Variants in POLK observed in about 807,000 individuals in gnomAD.
POLK encodes the protein polymerase (DNA directed) kappa.
POLK carries 76 observed loss-of-function variants against 94.0 expected under a neutral mutation model. The ratio of observed to expected loss-of-function variants is 0.81; its 90% CI spans 0.67 to 0.98. POLK has a LOEUF of 0.98. Among genes scored for constraint, POLK ranks in the 50% least tolerant of loss-of-function variants. The pLI is 0.00. For synonymous variants in POLK, 349 were observed against 325.4 expected (o/e 1.07, Z -0.78); for missense variants, 954 against 1,010.1 (o/e 0.94, Z 0.75).
chr5:75,543,136 A>G (rs939319335), intron 1 of POLK, among the ~76,000 whole-genome samples: 11 of 151,484 alleles, frequency 7.3e-5, no homozygotes, highest in African/African-American at 2.4e-4. Context: ...TCTGCCTCCC[A>G]GGTTCAAGCG....
At chr5:75,601,385 T>C (rs1773292762), downstream of POLK, among the ~76,000 whole-genome samples, 1 of 151,500 alleles carries the variant, frequency 6.6e-6, no homozygotes, top group South Asian at 2.1e-4. Context: ...TTGCCGTTTG[T>C]GATGGTTAAT....
At chr5:75,529,073 G>A (rs1481008108) in intron 1 of POLK, among the ~76,000 whole-genome samples, 3 of 152,072 alleles carry the variant, frequency 2.0e-5, no homozygotes, top group African/African-American at 4.8e-5. Flanking sequence ...TAGTCCATTT[G>A]CATTGCTTTA....
At chr5:75,586,940 A>G (rs1478445250) in intron 9 of POLK, 86 bp from the exon 10 acceptor site, 2 of 896,316 alleles carry the variant, frequency 2.2e-6, no homozygotes, top group Non-Finnish European at 3.5e-6. Flanking sequence ...AGAGCTCTAA[A>G]AGGTAATTGA....
chr5:75,573,515 A>T (rs569781934), intron 4 of POLK, among the ~76,000 whole-genome samples: 26 of 152,228 alleles, frequency 1.7e-4, no homozygotes, highest in Admixed American at 1.4e-3. Context: ...AAGTATAATT[A>T]AAAAAATATA....
chr5:75,533,832 T>G (rs1769307063), intron 1 of POLK, among the ~76,000 whole-genome samples: 1 of 152,240 alleles, frequency 6.6e-6, no homozygotes, highest in African/African-American at 2.4e-5. Flanking sequence ...GTTAGATATT[T>G]TATTCTTTTT....
At chr5:75,603,166 A>G (rs939623600), downstream of POLK, among the ~76,000 whole-genome samples, 4 of 152,010 alleles carry the variant, frequency 2.6e-5, no homozygotes, top group East Asian at 7.7e-4. Context: ...TTTGTTTACT[A>G]CTCCTTACTT....
chr5:75,534,141 C>T (rs1025635821), intron 1 of POLK, among the ~76,000 whole-genome samples: 1 of 152,036 alleles, frequency 6.6e-6, no homozygotes, highest in Non-Finnish European at 1.5e-5. Flanking sequence ...TGGTGCATGC[C>T]TGTAGTCCCA....
At chr5:75,568,129 G>T (rs545360990) in intron 3 of POLK, among the ~76,000 whole-genome samples, 1 of 152,134 alleles carries the variant, frequency 6.6e-6, no homozygotes, top group Non-Finnish European at 1.5e-5. Context: ...GGAACTCCAC[G>T]TTCCATAGAT....
At chr5:75,555,529 T>C (rs957330795) in intron 3 of POLK, among the ~76,000 whole-genome samples, 1 of 152,064 alleles carries the variant, frequency 6.6e-6, no homozygotes, top group Non-Finnish European at 1.5e-5. Flanking sequence ...ATTATTCAAT[T>C]GTCTGGGTGT....
chr5:75,590,343 G>T lies in POLK; in HGVS notation c.1260-1G>T. 2 of 1,551,350 alleles carry T rather than the reference G, an allele frequency of 1.3e-6. No homozygotes were observed. Among genetic ancestry groups the T allele is most frequent in the Non-Finnish European group, 1.8e-6 (2 of 1,137,408 alleles). Reference sequence around the variant, plus strand: ...CGCCAAAATTATTCTTGTCTTTCTAGGACATTCAGTGAGATAAATAAAGCG... The same window carrying T: ...CGCCAAAATTATTCTTGTCTTTCTATGACATTCAGTGAGATAAATAAAGCG... On this transcript the variant is annotated splice_acceptor_variant, in intron 10 of 14. Coordinates refer to ENST00000241436, the Ensembl canonical transcript of POLK. LOFTEE classifies it high-confidence loss of function.
At chr5:75,587,192 C>CAAA (rs1561402885) in intron 10 of POLK, 134 bp downstream of exon 10, 5 of 548,524 alleles carry the variant, frequency 9.1e-6, no homozygotes, top group Non-Finnish European at 1.6e-5. Context: ...TAGTAGTTTA[C>CAAA]ACTCCCTGCA....
intron 1 of POLK, among the ~76,000 whole-genome samples, chr5:75,530,245 C>CTTTTTTTTTT (rs575507126): frequency 7.3e-5 from 7 of 95,942 alleles, no homozygotes; most frequent in African/African-American, 1.6e-4. Flanking sequence ...ATTTGTATTT[C>CTTTTTTTTTT]TTTTTTTTTT....
In POLK at chr5:75,516,983, A is replaced by G. The variant is rs1012683335; in HGVS notation, c.-14+5069A>G. Among the ~76,000 whole-genome samples, 21 of 152,136 alleles carry G rather than the reference A, an allele frequency of 1.4e-4. 1 individual carries two copies. Among genetic ancestry groups the G allele is most frequent in the Admixed American group, 1.1e-3 (17 of 15,272 alleles). ...GTGTGGATTTATATCTGGGTTCTCT[A>G]TTCTGTTCCATTTGTCCATGTGTCT... On this transcript the variant is annotated intron_variant, in intron 1 of 14. Transcript: ENST00000241436.
downstream of POLK, among the ~76,000 whole-genome samples, chr5:75,601,384 G>T (rs1007099010): frequency 2.6e-5 from 4 of 151,450 alleles, no homozygotes; most frequent in African/African-American, 9.8e-5. Context: ...TTTGCCGTTT[G>T]TGATGGTTAA....
At chr5:75,557,695 G>A (rs1408165199) in intron 3 of POLK, among the ~76,000 whole-genome samples, 1 of 152,170 alleles carries the variant, frequency 6.6e-6, no homozygotes, top group African/African-American at 2.4e-5. Context: ...TTCAGACTTT[G>A]TAGTTTTCCT....
rs1772922991 is a variant in POLK, at chr5:75,593,887, G to A, written c.1366G>A (p.Val456Ile). The A allele has an allele frequency of 6.4e-7, 1 of 1,570,356 alleles. No homozygotes were observed. Among genetic ancestry groups the A allele is most frequent in the African/African-American group, 1.4e-5 (1 of 74,010 alleles). ...ATTGTATATGTTATAGGGTAGAACT[G>A]TTACCATTAAGTTGAAGAATGTGAA... The change falls in exon 12 of 15, where the codon GTT becomes ATT. Residue 456 changes from valine (V) to isoleucine (I), a missense_variant. Coordinates refer to ENST00000241436, the Ensembl canonical transcript of POLK.
chr5:75,579,136 TG>T (rs1772066769), intron 6 of POLK, among the ~76,000 whole-genome samples: 1 of 152,224 alleles, frequency 6.6e-6, no homozygotes, highest in Non-Finnish European at 1.5e-5. Context: ...CTTCACTTCC[TG>T]CTGTATAGTT....
chr5:75,574,884 T>C (rs1335455015), intron 5 of POLK, among the ~76,000 whole-genome samples: 2 of 152,260 alleles, frequency 1.3e-5, no homozygotes. Flanking sequence ...ATCATAAATA[T>C]AGCCTTTTAA....
chr5:75,532,451 T>G (rs555283982), intron 1 of POLK, among the ~76,000 whole-genome samples: 1 of 152,222 alleles, frequency 6.6e-6, no homozygotes, highest in Non-Finnish European at 1.5e-5. Flanking sequence ...TTTGTGTATA[T>G]GTACCACTTT....
Sources: allele counts gnomAD v4.1 joint callset (sites outside exome capture counted in the v4.1 genomes callset), GRCh38; gene constraint gnomAD v4.1.1; transcripts MANE v1.5; gene names NCBI Gene and HGNC (gene_info 2026-07-23, HGNC 2026-07-21).